CHST9: variants seen among roughly 807,000 people sequenced by gnomAD.
CHST9 encodes carbohydrate sulfotransferase 9.
In CHST9, 41 loss-of-function variants were observed where a neutral mutation model predicts 44.4. The observed-to-expected ratio is 0.92, with a 90% CI of 0.72 to 1.20. The LOEUF is 1.20. CHST9 is among the 50% of genes most tolerant of loss of function. The pLI, the probability that CHST9 is intolerant of heterozygous loss-of-function variation, is 0.00. For missense variants in CHST9, 504 were observed against 516.5 expected (o/e 0.98, Z 0.23); for synonymous variants, 171 against 178.4 (o/e 0.96, Z 0.33).
At chr18:27,044,064 C>CG (rs921078866) in intron 3 of CHST9, among the ~76,000 whole-genome samples, 3 of 149,216 alleles carry the variant, frequency 2.0e-5, no homozygotes, top group Admixed American at 6.7e-5. Context: ...AGCCCTTCCC[C>CG]CCCCTTTATT....
At chr18:27,168,305 A>G (rs981815225) in intron 1 of CHST9, among the ~76,000 whole-genome samples, 1 of 151,880 alleles carries the variant, frequency 6.6e-6, no homozygotes, top group Non-Finnish European at 1.5e-5. Flanking sequence ...CGATCCCCTG[A>G]CCTCGTGATC....
intron 1 of CHST9, among the ~76,000 whole-genome samples, chr18:27,184,326 G>A (rs1331360352): frequency 6.6e-6 from 1 of 152,160 alleles, no homozygotes; most frequent in Non-Finnish European, 1.5e-5. Context: ...CTTAGCACCT[G>A]TGAACTTAGT....
At chr18:26,996,519 C>G (rs1325459227) in intron 4 of CHST9, among the ~76,000 whole-genome samples, 1 of 152,090 alleles carries the variant, frequency 6.6e-6, no homozygotes, top group Non-Finnish European at 1.5e-5. Flanking sequence ...TTCTTCCGTG[C>G]TTTTATAATC....
chr18:26,993,531 C>T (rs930959783), intron 4 of CHST9, among the ~76,000 whole-genome samples: 2 of 151,924 alleles, frequency 1.3e-5, no homozygotes, highest in Non-Finnish European at 2.9e-5. Context: ...AGTATTGCTA[C>T]TAAGACACTG....
intron 3 of CHST9, among the ~76,000 whole-genome samples, chr18:27,047,422 T>TGTC (rs1568148127): frequency 1.6e-4 from 11 of 69,240 alleles, no homozygotes; most frequent in Non-Finnish European, 3.1e-4. Flanking sequence ...GTGTGTGTGT[T>TGTC]CATGATCAGG....
intron 2 of CHST9, among the ~76,000 whole-genome samples, chr18:27,050,718 T>C (rs1337381797): frequency 6.6e-6 from 1 of 152,150 alleles, no homozygotes; most frequent in Admixed American, 6.6e-5. Context: ...AAAGGCCTCA[T>C]TCATTATGAA....
At chr18:27,099,211 G>T (rs974835701) in intron 2 of CHST9, among the ~76,000 whole-genome samples, 2 of 152,008 alleles carry the variant, frequency 1.3e-5, no homozygotes, top group Non-Finnish European at 2.9e-5. Context: ...AAATTTAAAT[G>T]TAAGACCTCG....
intron 4 of CHST9, among the ~76,000 whole-genome samples, chr18:27,020,839 T>C (rs958804583): frequency 6.6e-6 from 1 of 152,186 alleles, no homozygotes; most frequent in African/African-American, 2.4e-5. Context: ...CAGCTCTCTC[T>C]TGGGGTCCCC....
chr18:26,985,048 T>A (rs1361105255), intron 4 of CHST9, among the ~76,000 whole-genome samples: 1 of 152,176 alleles, frequency 6.6e-6, no homozygotes, highest in South Asian at 2.1e-4. Flanking sequence ...CCAAAAGATA[T>A]TTATTGTAAT....
At chr18:26,938,667 C>A (rs1421511833) in intron 5 of CHST9, among the ~76,000 whole-genome samples, 3 of 152,194 alleles carry the variant, frequency 2.0e-5, no homozygotes, top group African/African-American at 7.2e-5. Context: ...GAATCAGGTA[C>A]TCAAGTCTTG....
chr18:27,072,538 C>T (rs9945902), intron 2 of CHST9, among the ~76,000 whole-genome samples: 56,999 of 151,812 alleles, frequency 0.38, 11,010 homozygotes, highest in South Asian at 0.49. Context: ...TGTAGGCTTG[C>T]GTGTCCACAT....
intron 4 of CHST9, among the ~76,000 whole-genome samples, chr18:26,971,998 G>A (rs975526192): frequency 1.1e-4 from 16 of 152,182 alleles, no homozygotes; most frequent in African/African-American, 3.9e-4. Context: ...AAAAAGCAGA[G>A]TTTGGTGAGG....
intron 1 of CHST9, among the ~76,000 whole-genome samples, chr18:27,184,507 A>T (rs1443424932): frequency 6.6e-6 from 1 of 151,918 alleles, no homozygotes; most frequent in African/African-American, 2.4e-5. Context: ...GCCCCTCCTC[A>T]GATCGCCCCT....
At chr18:27,091,179 T>A (rs1347876270) in intron 2 of CHST9, among the ~76,000 whole-genome samples, 2 of 152,322 alleles carry the variant, frequency 1.3e-5, no homozygotes, top group South Asian at 2.1e-4. Flanking sequence ...TAAGTTGGAT[T>A]CCTAGGTATT....
Position 26,908,489 on chromosome 18 carries a change from T to C in CHST9, c.*7770A>G, listed in dbSNP as rs774924027. 44 of 151,466 alleles carry C rather than the reference T, an allele frequency of 2.9e-4. No homozygotes were observed. Among genetic ancestry groups the C allele is most frequent in the Non-Finnish European group, 3.8e-4 (26 of 67,878 alleles). 9.4% of individuals were successfully genotyped at this position (151,466 alleles called of 1,614,324 possible). A position where few individuals can be genotyped will look rare whatever the true frequency, so the allele number is the denominator to read the frequency against. Reference sequence around the variant, plus strand: ...AAAAGGATACCAAAAAATGATAAGGTGATAAAATTTTATGTTATGTGGATT... The same window carrying C: ...AAAAGGATACCAAAAAATGATAAGGCGATAAAATTTTATGTTATGTGGATT... On this transcript the variant is annotated 3_prime_UTR_variant, in exon 6 of 6. Coordinates refer to ENST00000618847, the MANE Select transcript of CHST9 (RefSeq NM_031422.6).
At chr18:27,116,055 T>C (rs2058317174) in intron 2 of CHST9, among the ~76,000 whole-genome samples, 1 of 152,224 alleles carries the variant, frequency 6.6e-6, no homozygotes, top group South Asian at 2.1e-4. Context: ...ATCAAGTATA[T>C]AATTTGCAAA....
intron 2 of CHST9, among the ~76,000 whole-genome samples, chr18:27,049,990 G>A (rs1011758020): frequency 6.6e-6 from 1 of 152,126 alleles, no homozygotes; most frequent in African/African-American, 2.4e-5. Flanking sequence ...GCAGGCTCCG[G>A]TACCACAAAT....
At chr18:26,970,855 C>T (rs1050700015) in intron 4 of CHST9, among the ~76,000 whole-genome samples, 1 of 152,176 alleles carries the variant, frequency 6.6e-6, no homozygotes, top group Non-Finnish European at 1.5e-5. Flanking sequence ...GAAATCTGGC[C>T]TCTACCCATG....
At chr18:27,169,301 A>G (rs2058815376) in intron 1 of CHST9, among the ~76,000 whole-genome samples, 2 of 152,240 alleles carry the variant, frequency 1.3e-5, no homozygotes, top group African/African-American at 2.4e-5. Context: ...AGAAGTCATA[A>G]GCATATAGAT....
Sources: gnomAD v4.1 joint callset for allele counts (sites outside exome capture counted in the v4.1 genomes callset) on GRCh38, gnomAD v4.1.1 for gene constraint, MANE v1.5 for transcripts, NCBI Gene and HGNC (gene_info 2026-07-23, HGNC 2026-07-21) for gene names.